Variants in CMSS1 observed in about 807,000 individuals in gnomAD.
The protein encoded by CMSS1 is protein CMSS1.
Under a neutral mutation model 43.5 loss-of-function variants are expected in CMSS1, and 33 were observed. That is an observed-to-expected ratio of 0.76 (90% CI 0.57 to 1.01). The LOEUF is 1.01. CMSS1 is among the 50% of genes least tolerant of loss of function. CMSS1 has a pLI of 0.00. For missense variants in CMSS1, 313 were observed against 326.4 expected, an observed-to-expected ratio of 0.96 and a Z score of 0.32; for synonymous variants, 115 against 117.2, an observed-to-expected ratio of 0.98 and a Z score of 0.12.
At chr3:100,091,048 G>A (rs1352613516) in intron 1 of CMSS1, among the ~76,000 whole-genome samples, 6 of 152,160 alleles carry the variant, frequency 3.9e-5, no homozygotes, top group African/African-American at 1.4e-4. Context: ...AACTTTGGGA[G>A]GCCGAGGTGG....
chr3:100,120,571 A>G (rs2066610828), intron 1 of CMSS1, among the ~76,000 whole-genome samples: 1 of 152,196 alleles, frequency 6.6e-6, no homozygotes, highest in Non-Finnish European at 1.5e-5. Flanking sequence ...CAACCGTGCT[A>G]AGCGTGGCAC....
At chr3:99,953,886 C>A (rs1708247604) in intron 1 of CMSS1, among the ~76,000 whole-genome samples, 1 of 152,236 alleles carries the variant, frequency 6.6e-6, no homozygotes, top group Non-Finnish European at 1.5e-5. Context: ...AGGCAGAAGG[C>A]ACCAAGGCAT....
intron 1 of CMSS1, among the ~76,000 whole-genome samples, chr3:99,866,822 G>GT (rs1162282850): frequency 6.6e-6 from 1 of 152,126 alleles, no homozygotes; most frequent in East Asian, 1.9e-4. Context: ...TTACAGACAG[G>GT]TGGAAAAGTT....
intron 1 of CMSS1, chr3:100,075,694 A>T (rs1312309859): frequency 1.3e-5 from 2 of 152,112 alleles, no homozygotes; most frequent in Non-Finnish European, 2.9e-5. Flanking sequence ...AAAATTACAC[A>T]ACATGGTAAT....
intron 1 of CMSS1, among the ~76,000 whole-genome samples, chr3:99,945,220 C>T (rs528747865): frequency 6.6e-6 from 1 of 152,296 alleles, no homozygotes; most frequent in East Asian, 1.9e-4. Flanking sequence ...TCATGTCTTC[C>T]TCTAAGAAGG....
At chr3:100,141,478 G>A (rs1046385229) in intron 1 of CMSS1, 24 of 446,586 alleles carry the variant, frequency 5.4e-5, no homozygotes, top group Admixed American at 1.5e-4. Context: ...CGGTCTTAAC[G>A]TACTCTTTTG....
chr3:99,917,324 T>A (rs527976852), intron 1 of CMSS1, among the ~76,000 whole-genome samples: 1 of 152,340 alleles, frequency 6.6e-6, no homozygotes, highest in East Asian at 1.9e-4. Flanking sequence ...GAGTGCCTTG[T>A]CTTTTCACCT....
At chr3:99,820,559 T>C (rs1942416726) in intron 1 of CMSS1, among the ~76,000 whole-genome samples, 1 of 152,256 alleles carries the variant, frequency 6.6e-6, no homozygotes, top group Non-Finnish European at 1.5e-5. Context: ...TGTTCGCTGC[T>C]CTTAAGCAAA....
chr3:99,885,797 G>A (rs1294817432), intron 1 of CMSS1, among the ~76,000 whole-genome samples: 1 of 152,124 alleles, frequency 6.6e-6, no homozygotes, highest in East Asian at 1.9e-4. Context: ...TACACACAGA[G>A]ACTTGAAGGC....
At chr3:99,972,597 A>G (rs1021089576) in intron 1 of CMSS1, among the ~76,000 whole-genome samples, 5 of 152,164 alleles carry the variant, frequency 3.3e-5, no homozygotes, top group African/African-American at 1.2e-4. Flanking sequence ...ATAACGGTTC[A>G]TGTTTCCATG....
chr3:99,896,479 C>A (rs1378830382), intron 1 of CMSS1, among the ~76,000 whole-genome samples: 1 of 152,092 alleles, frequency 6.6e-6, no homozygotes, highest in Non-Finnish European at 1.5e-5. Flanking sequence ...TGGTAGTCAC[C>A]TTAAGCTACT....
At chr3:100,052,516 CTG>C (rs1274089338) in intron 1 of CMSS1, among the ~76,000 whole-genome samples, 1 of 152,142 alleles carries the variant, frequency 6.6e-6, no homozygotes, top group Non-Finnish European at 1.5e-5. Flanking sequence ...GTTTTATTAA[CTG>C]AACCTCTAAG....
chr3:100,003,033 C>T (rs1274484709), intron 1 of CMSS1, among the ~76,000 whole-genome samples: 2 of 152,110 alleles, frequency 1.3e-5, no homozygotes, highest in African/African-American at 4.8e-5. Flanking sequence ...CATTTACCTG[C>T]GAATTATCTC....
intron 1 of CMSS1, among the ~76,000 whole-genome samples, chr3:99,979,824 G>C (rs375813860): frequency 2.0e-5 from 3 of 152,136 alleles, no homozygotes; most frequent in African/African-American, 7.2e-5. Context: ...ATTTAGTTGG[G>C]AGACAAGATG....
rs572402959 is a variant in CMSS1 at position 100,002,277 on chromosome 3, A to G, written c.65-144696A>G. Among the ~76,000 whole-genome samples the G allele has an allele frequency of 3.9e-5, 6 of 152,350 alleles. No homozygotes were observed. The South Asian group carries it at 1.0e-3, about 26-fold the overall frequency. On this transcript the variant is annotated intron_variant, in intron 1 of 9. Coordinates refer to ENST00000421999, the MANE Select transcript of CMSS1 (RefSeq NM_032359.4). ...GAGCATCTCTTTTAAGTTATGAATTATTATGAATTTTTTGTACCTTCAAAA... is the reference window on the plus strand; with the variant it reads ...GAGCATCTCTTTTAAGTTATGAATTGTTATGAATTTTTTGTACCTTCAAAA...
At chr3:100,145,253 T>G (rs757429221) in intron 1 of CMSS1, among the ~76,000 whole-genome samples, 2 of 151,974 alleles carry the variant, frequency 1.3e-5, no homozygotes, top group East Asian at 3.9e-4. Flanking sequence ...CCAGCCTGGC[T>G]AACATGGCGA....
At chr3:99,993,904 A>T (rs141956562) in intron 1 of CMSS1, among the ~76,000 whole-genome samples, 1 of 152,086 alleles carries the variant, frequency 6.6e-6, no homozygotes, top group African/African-American at 2.4e-5. Context: ...TTTTGTGTCT[A>T]TGTTAATCAG....
At chr3:99,923,315 T>C (rs1352885726) in intron 1 of CMSS1, among the ~76,000 whole-genome samples, 1 of 152,140 alleles carries the variant, frequency 6.6e-6, no homozygotes, top group Admixed American at 6.5e-5. Context: ...TTACACCAGA[T>C]ACTGTAATAT....
chr3:99,860,285 C>A (rs534589422), intron 1 of CMSS1, among the ~76,000 whole-genome samples: 1 of 152,208 alleles, frequency 6.6e-6, no homozygotes, highest in African/African-American at 2.4e-5. Flanking sequence ...CTCTTCATCA[C>A]CTGAACGATT....
Sources: allele counts gnomAD v4.1 joint callset (sites outside exome capture counted in the v4.1 genomes callset), GRCh38; gene constraint gnomAD v4.1.1; transcripts MANE v1.5; gene names NCBI Gene and HGNC (gene_info 2026-07-23, HGNC 2026-07-21).